GAS7: variants seen among roughly 807,000 people sequenced by gnomAD.
GAS7 encodes growth arrest specific 7.
In GAS7, 28 loss-of-function variants were observed where a neutral mutation model predicts 71.1. The ratio of observed to expected loss-of-function variants is 0.39; its 90% CI spans 0.29 to 0.54. GAS7 has a LOEUF of 0.54. GAS7 is among the 20% of genes least tolerant of loss of function. The pLI, the probability that GAS7 is intolerant of heterozygous loss-of-function variation, is 0.62. For missense variants in GAS7, 436 were observed against 627.8 expected (o/e 0.69, Z 3.27); for synonymous variants, 258 against 245.8 (o/e 1.05, Z -0.46).
chr17:10,135,474 G>A (rs2074030869), intron 1 of GAS7, among the ~76,000 whole-genome samples: 1 of 152,202 alleles, frequency 6.6e-6, no homozygotes, highest in South Asian at 2.1e-4. Flanking sequence ...GAAAGTCCAG[G>A]GACTGAGCCC....
intron 1 of GAS7, among the ~76,000 whole-genome samples, chr17:10,080,428 A>G (rs905724062): frequency 6.6e-6 from 1 of 152,236 alleles, no homozygotes; most frequent in Admixed American, 6.5e-5. Context: ...GGCAACCAGC[A>G]GCCCTCAGAG....
At chr17:10,139,587 T>C (rs1156671770) in intron 1 of GAS7, among the ~76,000 whole-genome samples, 1 of 152,206 alleles carries the variant, frequency 6.6e-6, no homozygotes, top group Non-Finnish European at 1.5e-5. Context: ...ACAATTTAAA[T>C]AGTTCTGACT....
intron 4 of GAS7, among the ~76,000 whole-genome samples, chr17:9,964,845 C>T (rs1360076489): frequency 2.0e-5 from 3 of 152,170 alleles, no homozygotes; most frequent in Non-Finnish European, 4.4e-5. Context: ...TCAATAAGAA[C>T]ATGTGTTATT....
chr17:9,972,758 T>C (rs2070021218), intron 3 of GAS7, among the ~76,000 whole-genome samples: 1 of 152,114 alleles, frequency 6.6e-6, no homozygotes. Flanking sequence ...AGAATAAATA[T>C]ACAAGATCCC....
intron 1 of GAS7, among the ~76,000 whole-genome samples, chr17:10,113,680 G>A (rs2073834817): frequency 6.6e-6 from 1 of 152,074 alleles, no homozygotes; most frequent in African/African-American, 2.4e-5. Flanking sequence ...AAAATAAAAT[G>A]AAACATATTT....
intron 1 of GAS7, among the ~76,000 whole-genome samples, chr17:10,102,272 A>T (rs940463515): frequency 4.0e-5 from 6 of 150,892 alleles, no homozygotes; most frequent in Admixed American, 6.6e-5. Flanking sequence ...CAGCCTTCTA[A>T]TTCAGAGGGG....
In GAS7 at chr17:9,910,733, G is replaced by A. The variant is rs890462152; in HGVS notation, c.*6495C>T. 5 of 217,458 alleles carry A rather than the reference G, an allele frequency of 2.3e-5. No individual in the cohort carries two copies. The East Asian group carries it at 3.6e-4, about 16-fold the overall frequency. 13.5% of individuals were successfully genotyped at this position (217,458 alleles called of 1,614,324 possible). A position where few individuals can be genotyped will look rare whatever the true frequency, so the allele number is the denominator to read the frequency against. ...CACACAAATGCGGTAACAGGGGTCA[G>A]GGGGGTGGTGCGGGGGCAGGTGGGT... On this transcript the variant is annotated 3_prime_UTR_variant, in exon 14 of 14. Coordinates refer to ENST00000432992, the MANE Select transcript of GAS7 (RefSeq NM_201433.2).
rs776711912 is a variant in GAS7 at position 9,925,609 on chromosome 17, A to G, written c.1015-10T>C. 6.2e-7 allele frequency: 1 copy of G among 1,614,004 alleles called. No individual in the cohort carries two copies. The highest frequency in any genetic ancestry group is 8.5e-7 in the Non-Finnish European group (1 of 1,179,984). ...TGAGGGCTTTCCGGGCCTGGGGTCC[A>G]AGGACACGGAGAAGCTGCTCATACA... On this transcript the variant is annotated splice_polypyrimidine_tract_variant and intron_variant, in intron 10 of 13. Transcript: ENST00000432992.
chr17:10,178,721 T>C (rs1174262638), intron 1 of GAS7, among the ~76,000 whole-genome samples: 1 of 140,238 alleles, frequency 7.1e-6, no homozygotes, highest in African/African-American at 2.7e-5. Context: ...TTTTTTTTTT[T>C]TTTTTTTTTT....
At chr17:10,109,104 G>T (rs1219198139) in intron 1 of GAS7, among the ~76,000 whole-genome samples, 2 of 150,712 alleles carry the variant, frequency 1.3e-5, no homozygotes, top group Non-Finnish European at 1.5e-5. Context: ...AATATACAAG[G>T]AACTCAACAG....
chr17:10,189,023 T>C (rs921117440), intron 1 of GAS7, among the ~76,000 whole-genome samples: 2 of 152,244 alleles, frequency 1.3e-5, no homozygotes, highest in Non-Finnish European at 2.9e-5. Context: ...GTTTTGGGTT[T>C]TGTTGTTTTA....
intron 2 of GAS7, among the ~76,000 whole-genome samples, chr17:9,997,635 C>A (rs1655432874): frequency 6.6e-6 from 1 of 152,130 alleles, no homozygotes; most frequent in African/African-American, 2.4e-5. Context: ...GCATCAGATC[C>A]CACAGGCTGA....
Position 10,005,140 on chromosome 17 carries a change from C to T in GAS7, c.304+14637G>A, listed in dbSNP as rs1178232263. On this transcript the variant is annotated intron_variant, in intron 2 of 13. Coordinates refer to ENST00000432992, the MANE Select transcript of GAS7 (RefSeq NM_201433.2). ...GTGCACGCATACCAGCATGTGTGCG[C>T]GCACGCATGCATGCATGTGTGTGCG... Among the ~76,000 whole-genome samples the T allele has an allele frequency of 0.016, 576 of 36,306 alleles. 11 individuals are homozygous for T. The East Asian group carries it at 0.26, about 17-fold the overall frequency. 23.8% of individuals were successfully genotyped at this position (36,306 alleles called of 152,430 possible). A position where few individuals can be genotyped will look rare whatever the true frequency, so the allele number is the denominator to read the frequency against.
intron 1 of GAS7, among the ~76,000 whole-genome samples, chr17:10,159,250 T>C (rs2142116657): frequency 1.3e-5 from 2 of 151,548 alleles, no homozygotes; most frequent in Middle Eastern, 6.8e-3. Context: ...TTTGGTAGTA[T>C]TTCCCAAGAG....
chr17:10,058,160 T>C (rs916037737), intron 1 of GAS7, among the ~76,000 whole-genome samples: 1 of 152,230 alleles, frequency 6.6e-6, no homozygotes, highest in Non-Finnish European at 1.5e-5. Context: ...CCTTGTTCAC[T>C]TGTTTATCTG....
At chr17:10,009,318 C>CAAAAAAAAAAAAAAAAAA (rs541133967) in intron 2 of GAS7, among the ~76,000 whole-genome samples, 1 of 78,576 alleles carries the variant, frequency 1.3e-5, no homozygotes, top group Non-Finnish European at 2.5e-5. Flanking sequence ...GAGACTCCGT[C>CAAAAAAAAAAAAAAAAAA]AAAAAAAAAA....
chr17:10,068,367 A>G (rs6503284), intron 1 of GAS7, among the ~76,000 whole-genome samples: 87,565 of 151,926 alleles, frequency 0.58, 25,948 homozygotes, highest in African/African-American at 0.71. Flanking sequence ...CTGACCTGAA[A>G]ACAGAGGCAG....
chr17:9,974,435 C>T lies in GAS7; in HGVS notation c.386-4673G>A, dbSNP rs1027258002. Among the ~76,000 whole-genome samples the T allele has an allele frequency of 1.3e-5, 2 of 151,312 alleles. No individual in the cohort carries two copies. The highest frequency in any genetic ancestry group is 4.8e-5 in the African/African-American group (2 of 41,318). ...GGCGAGAAGTGGGTGCTTCTGGGGC[C>T]TCCAGCCTCTGGGGGAAGAAAAATG... On this transcript the variant is annotated intron_variant, in intron 3 of 13. Coordinates refer to ENST00000432992, the MANE Select transcript of GAS7 (RefSeq NM_201433.2). The surrounding 1 kb of genome is among the most constrained non-coding windows in gnomAD (Gnocchi z 4.0).
intron 7 of GAS7, among the ~76,000 whole-genome samples, chr17:9,940,523 A>G (rs1478483521): frequency 6.6e-6 from 1 of 152,206 alleles, no homozygotes; most frequent in East Asian, 1.9e-4. Context: ...CCCTGAACCA[A>G]TAAATGAATG....
Sources: gnomAD v4.1 joint callset for allele counts (sites outside exome capture counted in the v4.1 genomes callset) on GRCh38, gnomAD v4.1.1 for gene constraint, Gnocchi (gnomAD v3.1) non-coding constraint, MANE v1.5 for transcripts, NCBI Gene and HGNC (gene_info 2026-07-23, HGNC 2026-07-21) for gene names.